AEBP2: variants seen among roughly 807,000 people sequenced by gnomAD.
The protein encoded by AEBP2 is zinc finger protein AEBP2.
Under a neutral mutation model 50.8 loss-of-function variants are expected in AEBP2, and 10 were observed. The ratio of observed to expected loss-of-function variants is 0.20; its 90% confidence interval spans 0.12 to 0.33. The LOEUF (loss-of-function observed/expected upper bound fraction) is 0.33, where lower values mean the gene tolerates loss of function less well. Ranked by LOEUF, AEBP2 falls within the 10% of genes least tolerant of loss-of-function variation. The pLI is 1.00. For synonymous variants in AEBP2, 296 were observed against 261.3 expected, an observed-to-expected ratio of 1.13 and a Z score of -1.28; for missense variants, 570 against 688.0, an observed-to-expected ratio of 0.83 and a Z score of 1.92.
At chr12:19,406,873 G>A (rs1474553882) in intron 1 of AEBP2, among the ~76,000 whole-genome samples, 1 of 152,094 alleles carries the variant, frequency 6.6e-6, no homozygotes, top group Non-Finnish European at 1.5e-5. Flanking sequence ...ACTAATTTTT[G>A]TGAAGGATGT....
At chr12:19,455,239 C>G in intron 1 of AEBP2, among the ~76,000 whole-genome samples, 1 of 152,004 alleles carries the variant, frequency 6.6e-6, no homozygotes, top group East Asian at 1.9e-4. Context: ...GAAATCCTCC[C>G]GCTCCAGCCT....
chr12:19,506,441 T>C (rs1449887214), intron 5 of AEBP2, among the ~76,000 whole-genome samples: 1 of 152,146 alleles, frequency 6.6e-6, no homozygotes, highest in African/African-American at 2.4e-5. Context: ...TGTCAATAAT[T>C]TTTATTGAGG....
chr12:19,516,417 CTTAAA>C (rs1405501214), intron 7 of AEBP2, among the ~76,000 whole-genome samples: 1 of 152,166 alleles, frequency 6.6e-6, no homozygotes, highest in Non-Finnish European at 1.5e-5. Context: ...GGCCATGAAT[CTTAAA>C]TTAAGATTAA....
At chr12:19,484,246 G>A (rs1379750824) in intron 3 of AEBP2, among the ~76,000 whole-genome samples, 4 of 123,328 alleles carry the variant, frequency 3.2e-5, no homozygotes, top group Admixed American at 3.1e-4. Flanking sequence ...ACAACGCCCA[G>A]CCAATTTTTT....
At chr12:19,430,012 T>C (rs2095750635) in intron 1 of AEBP2, among the ~76,000 whole-genome samples, 1 of 152,184 alleles carries the variant, frequency 6.6e-6, no homozygotes, top group African/African-American at 2.4e-5. Context: ...TGGCTTTTGT[T>C]GCCATTGCTT....
Position 19,418,469 on chromosome 12 carries a change from A to T in AEBP2, c.-17+14253A>T, listed in dbSNP as rs1410610697. ...TAGTCTTGAACTCCTGGGCTCAAGC[A>T]GTCTTCTTGCCTTGGCCAGCTAATA... On this transcript the variant is annotated intron_variant, in intron 1 of 3. Coordinates refer to the AEBP2 transcript ENST00000538425. Among the ~76,000 whole-genome samples the T allele has an allele frequency of 4.1e-5, 6 of 145,516 alleles. No homozygotes were observed. The East Asian group carries it at 1.2e-3, about 30-fold the overall frequency.
intron 1 of AEBP2, among the ~76,000 whole-genome samples, chr12:19,448,661 AAAAG>A (rs1234885036): frequency 6.6e-6 from 1 of 152,170 alleles, no homozygotes; most frequent in Non-Finnish European, 1.5e-5. Flanking sequence ...TGATTAAAGA[AAAAG>A]AGAACAGTTT....
chr12:19,444,195 C>T (rs1435479804), intron 1 of AEBP2, among the ~76,000 whole-genome samples: 1 of 152,110 alleles, frequency 6.6e-6, no homozygotes. Context: ...TATTTTCATT[C>T]TTCCAACACA....
At chr12:19,407,842 A>G (rs2095737145) in intron 1 of AEBP2, among the ~76,000 whole-genome samples, 1 of 152,066 alleles carries the variant, frequency 6.6e-6, no homozygotes, top group African/African-American at 2.4e-5. Context: ...TGAGGTTGGG[A>G]GTTCGAGACC....
At chr12:19,454,825 T>C (rs1293336827) in intron 1 of AEBP2, among the ~76,000 whole-genome samples, 1 of 152,086 alleles carries the variant, frequency 6.6e-6, no homozygotes, top group Non-Finnish European at 1.5e-5. Flanking sequence ...ACAACACAAA[T>C]GAATTTGCTC....
chr12:19,494,498 CTTTTTTT>C (rs747750453), intron 4 of AEBP2, among the ~76,000 whole-genome samples: 1 of 115,870 alleles, frequency 8.6e-6, no homozygotes, highest in Non-Finnish European at 1.7e-5. Context: ...AGCAGTGTTG[CTTTTTTT>C]TTTTTTTTTT....
chr12:19,426,358 C>T (rs1201620709), intron 1 of AEBP2, among the ~76,000 whole-genome samples: 1 of 152,180 alleles, frequency 6.6e-6, no homozygotes, highest in Non-Finnish European at 1.5e-5. Context: ...GAGGAGAGAG[C>T]TGAAATTCCA....
Position 19,439,894 on chromosome 12 carries a change from GGGCGGCGGAGGCGGC to G in AEBP2, c.201_215del (p.Gly69_Gly73del), listed in dbSNP as rs1565702201. 6 of 1,489,696 alleles carry G rather than the reference GGGCGGCGGAGGCGGC, an allele frequency of 4.0e-6. 1 individual carries two copies. The South Asian group carries it at 5.1e-5, about 13-fold the overall frequency. The allele number at this position is 1,489,696 out of a possible 1,614,324, so 92.3% of individuals were successfully genotyped here. ...TGCTGCTGAACGGCGGCAGCGGTGGGGGCGGCGGAGGCGGCGGCGGAGGAGTGGGGGGCGGCGAGG... is the reference window on the plus strand; with the variant it reads ...TGCTGCTGAACGGCGGCAGCGGTGGGGGCGGAGGAGTGGGGGGCGGCGAGG... On this transcript the variant is annotated inframe_deletion, in exon 1 of 8. Transcript: ENST00000266508.
intron 1 of AEBP2, among the ~76,000 whole-genome samples, chr12:19,406,294 C>G (rs892670026): frequency 1.3e-5 from 2 of 152,110 alleles, no homozygotes; most frequent in African/African-American, 4.8e-5. Context: ...CACCCAAAGT[C>G]CATAGTTTAC....
intron 5 of AEBP2, among the ~76,000 whole-genome samples, chr12:19,507,713 A>C (rs1327026099): frequency 6.6e-6 from 1 of 152,180 alleles, no homozygotes; most frequent in Non-Finnish European, 1.5e-5. Context: ...ATAATGAGAT[A>C]AGGTCTTCGC....
chr12:19,513,122 T>C (rs1034125347), intron 6 of AEBP2, among the ~76,000 whole-genome samples: 3 of 152,120 alleles, frequency 2.0e-5, no homozygotes, highest in Non-Finnish European at 4.4e-5. Flanking sequence ...TTTTTAGCAT[T>C]TTTAGTGACC....
At chr12:19,460,542 T>A (rs7972895) in intron 1 of AEBP2, among the ~76,000 whole-genome samples, 7 of 151,898 alleles carry the variant, frequency 4.6e-5, no homozygotes, top group Admixed American at 2.0e-4. Flanking sequence ...TTAGTAGAGA[T>A]GTGGTTTCAC....
At chr12:19,467,142 A>G (rs963767099) in intron 2 of AEBP2, among the ~76,000 whole-genome samples, 1 of 152,142 alleles carries the variant, frequency 6.6e-6, no homozygotes, top group East Asian at 1.9e-4. Flanking sequence ...TGTGTTGCCC[A>G]TGCTGGTCTT....
chr12:19,492,055 G>A (rs1948901424), intron 3 of AEBP2, among the ~76,000 whole-genome samples: 2 of 152,154 alleles, frequency 1.3e-5, no homozygotes, highest in Admixed American at 6.5e-5. Context: ...TTTTTTAAAT[G>A]CTATTATCTA....
Sources: gnomAD v4.1 joint callset for allele counts (sites outside exome capture counted in the v4.1 genomes callset) on GRCh38, gnomAD v4.1.1 for gene constraint, MANE v1.5 for transcripts, NCBI Gene and HGNC (gene_info 2026-07-23, HGNC 2026-07-21) for gene names.